Variants in ASB10 observed in about 807,000 individuals in gnomAD.
ASB10 encodes the protein ankyrin repeat and SOCS box protein 10.
In ASB10, 44 loss-of-function variants were observed where a neutral mutation model predicts 35.4. The ratio of observed to expected loss-of-function variants is 1.24; its 90% CI spans 0.98 to 1.60. The LOEUF is 1.60. Among genes scored for constraint, ASB10 ranks in the 40% most tolerant of loss-of-function variants. The pLI, the probability that ASB10 is intolerant of heterozygous loss-of-function variation, is 0.00. For missense variants in ASB10, 647 were observed against 634.3 expected (o/e 1.02, Z -0.22); for synonymous variants, 294 against 280.4 (o/e 1.05, Z -0.49).
chr7:151,176,203 T>A lies in ASB10; in HGVS notation c.1313A>T (p.Glu438Val). Residue 438 changes from glutamate to valine, a missense_variant, in exon 5 of 6, where the codon GAG (glutamate) becomes GTG (valine). By Grantham distance (121) the Glu-to-Val change is moderately radical. Coordinates refer to ENST00000420175, the MANE Select transcript of ASB10 (RefSeq NM_001142459.2). ...GGGCAGCGCTTGGGGCAGGCTGCCC[T>A]CCAGGTGGGAGCGGAGCGCACAGCG... ...LSRCALRSHL[E>V]GSLPQALPRL... The A allele has an allele frequency of 6.2e-7, 1 of 1,610,232 alleles. No individual in the cohort carries two copies. Among genetic ancestry groups the A allele is most frequent in the Non-Finnish European group, 8.5e-7 (1 of 1,179,106 alleles).
rs778238221 is a variant in ASB10, at chr7:151,181,320, A to T, written c.723T>A (p.Pro241=). The part of the protein sequence containing the change: ...ADLLLRRGAC[P]DARNAEGWTP... ...TCCAGCCTTCGGCATTGCGGGCATCAGGACATGCCCCCCGTCTTAGAAGCA... is the reference window on the plus strand; with the variant it reads ...TCCAGCCTTCGGCATTGCGGGCATCTGGACATGCCCCCCGTCTTAGAAGCA... The change falls in exon 3 of 6, where the codon CCT becomes CCA. Residue 241 remains proline (P), a synonymous_variant. Coordinates refer to ENST00000420175, the MANE Select transcript of ASB10 (RefSeq NM_001142459.2). 1.5e-5 allele frequency: 25 copies of T among 1,613,262 alleles called. No individual in the cohort carries two copies. The East Asian group carries it at 5.3e-4, about 35-fold the overall frequency.
Position 151,186,924 on chromosome 7 carries a change from A to C in ASB10, c.207T>G (p.Cys69Trp), listed in dbSNP as rs1801608804. The C allele has an allele frequency of 6.2e-7, 1 of 1,613,302 alleles. No homozygotes were observed. Among genetic ancestry groups the C allele is most frequent in the African/African-American group, 1.3e-5 (1 of 74,934 alleles). ...WQAVLAGDVG[C>W]VSRILADSST... Reference sequence around the variant, plus strand: ...TGGAGTCCGCGAGGATGCGGGAGACACAGCCCACGTCCCCAGCCAGCACTG... The same window carrying C: ...TGGAGTCCGCGAGGATGCGGGAGACCCAGCCCACGTCCCCAGCCAGCACTG... The change falls in exon 1 of 6, where the codon TGT becomes TGG. Residue 69 changes from cysteine to tryptophan, a missense_variant. By Grantham distance (215) the Cys-to-Trp change is radical. Transcript: ENST00000420175.
At chr7:151,181,614 C>CTT (rs34867888) in intron 2 of ASB10, among the ~76,000 whole-genome samples, 156 bp from the exon 3 acceptor site, 5 of 137,954 alleles carry the variant, frequency 3.6e-5, no homozygotes, top group South Asian at 2.3e-4. Flanking sequence ...CAGTGCCCTT[C>CTT]TTTTTTTTTT....
At position 151,181,056 on chromosome 7, in the gene ASB10, C is replaced by G. The variant is rs758569624; in HGVS notation, c.987G>C (p.Thr329=). 6.2e-7 allele frequency: 1 copy of G among 1,612,430 alleles called. No homozygotes were observed. The highest frequency in any genetic ancestry group is 8.5e-7 in the Non-Finnish European group (1 of 1,179,852). The change falls in exon 3 of 6, where the codon ACG becomes ACC. Residue 329 remains threonine (T), a synonymous_variant. Transcript: ENST00000420175. Reference sequence around the variant, plus strand: ...GGCCCTGCAGAGCACAGTGCAGGGGCGTGTGTCCCCCATAGTCCATGGTGT... The same window carrying G: ...GGCCCTGCAGAGCACAGTGCAGGGGGGTGTGTCCCCCATAGTCCATGGTGT... ...SANTMDYGGH[T]PLHCALQGPA...
rs111802244 is a variant in ASB10, at chr7:151,179,423, T to C, written c.1104+1516A>G. Reference sequence around the variant, plus strand: ...GGTGTGTAGTCAAGGCTGTGCTTGCTCCGACTGTTCCCCAGTGCTCTCCTA... The same window carrying C: ...GGTGTGTAGTCAAGGCTGTGCTTGCCCCGACTGTTCCCCAGTGCTCTCCTA... On this transcript the variant is annotated intron_variant, in intron 3 of 5. Transcript: ENST00000420175. Among the ~76,000 whole-genome samples the C allele has an allele frequency of 3.3e-3, 503 of 152,354 alleles. 1 individual carries two copies. The highest frequency in any genetic ancestry group is 0.011 in the African/African-American group (473 of 41,578).
chr7:151,184,660 A>T (rs1401125686), intron 2 of ASB10, among the ~76,000 whole-genome samples: 1 of 152,052 alleles, frequency 6.6e-6, no homozygotes, highest in African/African-American at 2.4e-5. Context: ...GAAAGTTTGG[A>T]GATGGATGGT....
At position 151,176,151 on chromosome 7, in the gene ASB10, G is replaced by A; in HGVS notation, c.1365C>T (p.Leu455=). 6.2e-7 allele frequency: 1 copy of A among 1,611,898 alleles called. No individual in the cohort carries two copies. Among genetic ancestry groups the A allele is most frequent in the East Asian group, 2.2e-5 (1 of 44,872 alleles). Residue 455 remains leucine (L), a synonymous_variant, in exon 5 of 6, where the codon CTC becomes CTT. Transcript: ENST00000420175. ...LPRLPLPPRL[L]RYLQLDFEGV... The stretch of plus-strand genomic sequence containing the variant: ...CCTCAAAATCCAGCTGCAGGTAGCG[G>A]AGCAGGCGCGGTGGCAGGGGGAGGC...
chr7:151,175,967 C>G lies in ASB10; in HGVS notation c.*1-1G>C, dbSNP rs982614561. On this transcript the variant is annotated splice_acceptor_variant, in intron 5 of 5. Coordinates refer to ENST00000420175, the MANE Select transcript of ASB10 (RefSeq NM_001142459.2). LOFTEE classifies it low-confidence loss of function (3UTR_SPLICE). ...GGCCCTCTCAAAAGGCCATGGACAT[C>G]TGGAAGGAGAGGTTTGGATTCAGAG... is the stretch of plus-strand genomic sequence containing the variant. 5.4e-5 allele frequency: 58 copies of G among 1,074,314 alleles called. No individual in the cohort carries two copies. The highest frequency in any genetic ancestry group is 5.0e-4 in the African/African-American group (31 of 61,642). 66.5% of individuals were successfully genotyped at this position (1,074,314 alleles called of 1,614,324 possible).
chr7:151,185,473 C>T (rs904033522), intron 2 of ASB10, among the ~76,000 whole-genome samples: 5 of 152,040 alleles, frequency 3.3e-5, no homozygotes, highest in Non-Finnish European at 7.4e-5. Context: ...ATATATGGCT[C>T]ACATTAGGTT....
rs1322919843 is a variant in ASB10 at position 151,185,656 on chromosome 7, A to G, written c.584+736T>C. On this transcript the variant is annotated intron_variant, in intron 2 of 5. Coordinates refer to ENST00000420175, the MANE Select transcript of ASB10 (RefSeq NM_001142459.2). ...CAAGAGACAAGACCTGCAGGTGTGC[A>G]GTCAGTAGAGAGAGGGCCTCTATAG... Among the ~76,000 whole-genome samples the G allele has an allele frequency of 2.0e-5, 3 of 152,214 alleles. 1 individual carries two copies. The highest frequency in any genetic ancestry group is 7.2e-5 in the African/African-American group (3 of 41,456).
chr7:151,181,858 C>T (rs1045692584), intron 2 of ASB10, among the ~76,000 whole-genome samples: 4 of 152,198 alleles, frequency 2.6e-5, no homozygotes, highest in Admixed American at 2.6e-4. Context: ...AAGTGATCCA[C>T]CTGCCTCGGC....
intron 2 of ASB10, among the ~76,000 whole-genome samples, chr7:151,184,471 C>A (rs1801551094): frequency 6.6e-6 from 1 of 151,934 alleles, no homozygotes; most frequent in Non-Finnish European, 1.5e-5. Context: ...AGACATCATG[C>A]TAAGTGGAAT....
rs75149425 is a variant in ASB10, at chr7:151,186,242, G to A, written c.584+150C>T. The A allele has an allele frequency of 8.1e-4, 808 of 996,712 alleles. 15 individuals carry two copies. In the East Asian group the frequency reaches 0.02, roughly 24 times the overall value. The allele number at this position is 996,712 out of a possible 1,614,324, so 61.7% of individuals were successfully genotyped here. A position where few individuals can be genotyped will look rare whatever the true frequency, so the allele number is the denominator to read the frequency against. ...CCAAAGTTCATGGGGTCAACGGGTGGATGGCTTGGGAAGTAATTGCACCCT... is the reference window on the plus strand; with the variant it reads ...CCAAAGTTCATGGGGTCAACGGGTGAATGGCTTGGGAAGTAATTGCACCCT... On this transcript the variant is annotated intron_variant, in intron 2 of 5. Coordinates refer to ENST00000420175, the MANE Select transcript of ASB10 (RefSeq NM_001142459.2).
intron 2 of ASB10, among the ~76,000 whole-genome samples, chr7:151,184,953 C>T (rs1267255185): frequency 6.6e-6 from 1 of 151,672 alleles, no homozygotes; most frequent in East Asian, 2.0e-4. Flanking sequence ...ACCCGGGAGG[C>T]GGAGCTTGCA....
intron 3 of ASB10, among the ~76,000 whole-genome samples, chr7:151,178,064 A>G (rs1279251065): frequency 1.3e-5 from 2 of 152,212 alleles, no homozygotes; most frequent in African/African-American, 4.8e-5. Flanking sequence ...CCTGGCCAAC[A>G]TGGTGAAACC....
At chr7:151,178,749 C>A (rs1014319688) in intron 3 of ASB10, among the ~76,000 whole-genome samples, 7 of 152,190 alleles carry the variant, frequency 4.6e-5, no homozygotes, top group African/African-American at 1.4e-4. Flanking sequence ...GCATTTTACA[C>A]ACCTGGGGCC....
chr7:151,187,513 G>C (rs1176116556), upstream of ASB10: 8 of 1,551,470 alleles, frequency 5.2e-6, no homozygotes, highest in Admixed American at 1.6e-4. This position sits in a 1 kb window ranked among gnomAD's most constrained non-coding sequence, Gnocchi z 5.3. Flanking sequence ...GGTCGGCTGT[G>C]CTGTGCGGGG....
intron 2 of ASB10, among the ~76,000 whole-genome samples, chr7:151,182,223 G>A (rs895580870): frequency 9.9e-5 from 15 of 152,188 alleles, no homozygotes; most frequent in Admixed American, 5.2e-4. Flanking sequence ...GGGACTGGAG[G>A]AGGAAGGGGG....
At position 151,186,504 on chromosome 7, in the gene ASB10, C is replaced by T. The variant is rs144079446; in HGVS notation, c.472G>A (p.Ala158Thr). The change falls in exon 2 of 6, where the codon GCA (alanine) becomes ACA (threonine). Residue 158 changes from alanine to threonine, a missense_variant. Coordinates refer to ENST00000420175, the MANE Select transcript of ASB10 (RefSeq NM_001142459.2). ...GRTALHEACA[A>T]GHTACVHVLL... ...ACATGAACACAGGCAGTGTGGCCTG[C>T]AGCACAGGCCTCGTGCAGGGCGGTG... 9 of 1,602,086 alleles carry T rather than the reference C, an allele frequency of 5.6e-6. No individual in the cohort carries two copies. The African/African-American group carries it at 1.1e-4, about 19-fold the overall frequency.
Sources: allele counts gnomAD v4.1 joint callset (sites outside exome capture counted in the v4.1 genomes callset), GRCh38; gene constraint gnomAD v4.1.1; non-coding constraint Gnocchi (gnomAD v3.1); transcripts MANE v1.5; gene names NCBI Gene and HGNC (gene_info 2026-07-23, HGNC 2026-07-21).